Variants in TLN2 observed in about 807,000 individuals in gnomAD.
TLN2 encodes talin 2, also known as talin-2.
Under a neutral mutation model 294.7 loss-of-function variants are expected in TLN2, and 118 were observed. That is an observed-to-expected ratio of 0.40 (90% CI 0.34 to 0.47). The LOEUF (loss-of-function observed/expected upper bound fraction) is 0.47. Among genes scored for constraint, TLN2 ranks in the 20% least tolerant of loss-of-function variants. TLN2 has a pLI of 0.84. For missense variants in TLN2, 3,083 were observed against 3,282.2 expected, an observed-to-expected ratio of 0.94 and a Z score of 1.48; for synonymous variants, 1,431 against 1,304.5, an observed-to-expected ratio of 1.10 and a Z score of -2.09.
chr15:62,539,825 A>G (rs1282562766), intron 1 of TLN2, among the ~76,000 whole-genome samples: 1 of 151,878 alleles, frequency 6.6e-6, no homozygotes, highest in Non-Finnish European at 1.5e-5. Context: ...TTTATTAAAC[A>G]CTAACTGAAG....
At position 62,788,366 on chromosome 15, in the gene TLN2, T is replaced by G. The variant is rs369753096; in HGVS notation, c.5737-4275T>G. ...AGGATGTTCCCCTAGTAAAACAAAATGTTCTGGGAAATTGCCAGTAGACTG... is the reference window on the plus strand; with the variant it reads ...AGGATGTTCCCCTAGTAAAACAAAAGGTTCTGGGAAATTGCCAGTAGACTG... On this transcript the variant is annotated intron_variant, in intron 45 of 58. Transcript: ENST00000636159. 2.8e-4 allele frequency among the ~76,000 whole-genome samples: 42 copies of G among 152,250 alleles called. No homozygotes were observed. The South Asian group carries it at 8.7e-3, about 32-fold the overall frequency.
intron 4 of TLN2, 93 bp from the exon 5 acceptor site, chr15:62,649,991 C>A: frequency 1.6e-6 from 2 of 1,243,022 alleles, no homozygotes; most frequent in Non-Finnish European, 2.3e-6. Context: ...AGAACACCCA[C>A]ATCCTTGCTG....
At chr15:62,791,086 TG>T (rs1337456151) in intron 45 of TLN2, among the ~76,000 whole-genome samples, 1 of 152,100 alleles carries the variant, frequency 6.6e-6, no homozygotes, top group African/African-American at 2.4e-5. Context: ...CTCAGCACTT[TG>T]GGAGGCCAAG....
At chr15:62,835,668 T>TG in intron 55 of TLN2, 69 bp from the exon 56 acceptor site, 1 of 1,575,092 alleles carries the variant, frequency 6.3e-7, no homozygotes. Context: ...GAGCAAGGTC[T>TG]GGGGATGAGG....
chr15:62,509,700 G>A (rs1024105710), intron 1 of TLN2, among the ~76,000 whole-genome samples: 9 of 152,162 alleles, frequency 5.9e-5, no homozygotes, highest in Non-Finnish European at 1.3e-4. Flanking sequence ...AGGGGCTTTC[G>A]GGGGCTTGTC....
chr15:62,753,483 C>A (rs925340050), intron 35 of TLN2, among the ~76,000 whole-genome samples: 3 of 152,198 alleles, frequency 2.0e-5, no homozygotes, highest in Non-Finnish European at 4.4e-5. Flanking sequence ...GTAGTCAGGG[C>A]TGCATCCATC....
chr15:62,434,684 A>G (rs1871395781), intron 1 of TLN2, among the ~76,000 whole-genome samples: 1 of 152,230 alleles, frequency 6.6e-6, no homozygotes, highest in East Asian at 1.9e-4. Flanking sequence ...GTGTATTGTC[A>G]GACTGCCTAT....
chr15:62,632,577 G>A (rs2050010982), intron 3 of TLN2, among the ~76,000 whole-genome samples: 1 of 152,230 alleles, frequency 6.6e-6, no homozygotes, highest in African/African-American at 2.4e-5. Context: ...CTCAGTGAGA[G>A]TTGCTGTGAG....
At chr15:62,491,338 ATAT>A (rs1165998369) in intron 1 of TLN2, among the ~76,000 whole-genome samples, 88 of 85,468 alleles carry the variant, frequency 1.0e-3, no homozygotes, top group African/African-American at 3.0e-3. Flanking sequence ...AAAAAAAAAA[ATAT>A]ATATATATAT....
At chr15:62,494,259 C>G (rs1567028061) in intron 1 of TLN2, among the ~76,000 whole-genome samples, 1 of 151,814 alleles carries the variant, frequency 6.6e-6, no homozygotes, top group Non-Finnish European at 1.5e-5. Context: ...GCAGTGGACC[C>G]TTGACAAAAT....
intron 11 of TLN2, among the ~76,000 whole-genome samples, chr15:62,680,545 A>G (rs1486773026): frequency 6.6e-6 from 1 of 152,084 alleles, no homozygotes; most frequent in Non-Finnish European, 1.5e-5. Context: ...CACATGCAGA[A>G]CAGCATCAAA....
intron 1 of TLN2, among the ~76,000 whole-genome samples, chr15:62,584,427 G>C (rs773203101): frequency 6.6e-6 from 1 of 152,130 alleles, no homozygotes; most frequent in Non-Finnish European, 1.5e-5. Context: ...TTTTCTCTTT[G>C]TCCTGCAAAA....
rs1296348300 is a variant in TLN2 at position 62,702,751 on chromosome 15, G to A, written c.1906-15G>A. ...TGCGTTTTCTTTCCAATTAAGGTGT[G>A]TTGTTTGTTCACAGCCTCGACAGAC... On this transcript the variant is annotated splice_polypyrimidine_tract_variant and intron_variant, in intron 18 of 58. Coordinates refer to ENST00000636159, the MANE Select transcript of TLN2 (RefSeq NM_015059.3). 1.2e-6 allele frequency: 2 copies of A among 1,613,642 alleles called. No individual in the cohort carries two copies. The highest frequency in any genetic ancestry group is 1.7e-6 in the Non-Finnish European group (2 of 1,179,552).
intron 51 of TLN2, among the ~76,000 whole-genome samples, chr15:62,807,735 G>T (rs1453163370): frequency 6.6e-6 from 1 of 152,134 alleles, no homozygotes; most frequent in African/African-American, 2.4e-5. Context: ...TCGACCCTGG[G>T]ATGCGTTATC....
intron 3 of TLN2, chr15:62,638,360 C>T (rs1185261413): frequency 8.3e-6 from 3 of 362,846 alleles, no homozygotes; most frequent in Non-Finnish European, 1.1e-5. Flanking sequence ...AGCAAATGCA[C>T]ATATCCATTT....
chr15:62,741,793 T>C (rs935433443), intron 32 of TLN2, among the ~76,000 whole-genome samples: 14 of 91,122 alleles, frequency 1.5e-4, no homozygotes, highest in Non-Finnish European at 3.2e-4. Context: ...TGGGAGATCA[T>C]TGGCTGTTTT....
chr15:62,459,994 C>T (rs1054924819), intron 1 of TLN2, among the ~76,000 whole-genome samples: 11 of 152,212 alleles, frequency 7.2e-5, no homozygotes, highest in Non-Finnish European at 1.3e-4. Flanking sequence ...GTTACTCCCC[C>T]TCTCTGATGT....
At chr15:62,526,361 T>A (rs2040740448) in intron 1 of TLN2, among the ~76,000 whole-genome samples, 1 of 152,196 alleles carries the variant, frequency 6.6e-6, no homozygotes, top group African/African-American at 2.4e-5. Flanking sequence ...ATTTCCTTTC[T>A]AATGGTAATT....
At chr15:62,635,393 G>A (rs1296409894) in intron 3 of TLN2, among the ~76,000 whole-genome samples, 2 of 152,086 alleles carry the variant, frequency 1.3e-5, no homozygotes, top group Non-Finnish European at 2.9e-5. Context: ...AAATTATGGG[G>A]CCTTATTTAC....
Sources: gnomAD v4.1 joint callset for allele counts (sites outside exome capture counted in the v4.1 genomes callset) on GRCh38, gnomAD v4.1.1 for gene constraint, MANE v1.5 for transcripts, NCBI Gene and HGNC (gene_info 2026-07-23, HGNC 2026-07-21) for gene names.